The following NRXN1 variants were observed in gnomAD, a reference collection of about 807,000 sequenced individuals.
NRXN1 encodes neurexin 1.
NRXN1 carries 39 observed loss-of-function variants against 150.9 expected under a neutral mutation model. That is an observed-to-expected ratio of 0.26 (90% CI 0.20 to 0.34). The LOEUF (loss-of-function observed/expected upper bound fraction) is 0.34. Among genes scored for constraint, NRXN1 ranks in the 10% least tolerant of loss-of-function variants. The pLI, the probability that NRXN1 is intolerant of heterozygous loss-of-function variation, is 1.00. For missense variants in NRXN1, 1,815 were observed against 1,949.9 expected, an observed-to-expected ratio of 0.93 and a Z score of 1.30; for synonymous variants, 924 against 757.0, an observed-to-expected ratio of 1.22 and a Z score of -3.62.
At chr2:50,878,833 A>G (rs1262223858) in intron 5 of NRXN1, among the ~76,000 whole-genome samples, 1 of 151,960 alleles carries the variant, frequency 6.6e-6, no homozygotes, top group Non-Finnish European at 1.5e-5. Flanking sequence ...GGGATTCTCT[A>G]CAAGGTAGGT....
intron 17 of NRXN1, among the ~76,000 whole-genome samples, chr2:50,410,359 T>C (rs574203699): frequency 9.2e-5 from 14 of 152,376 alleles, no homozygotes; most frequent in African/African-American, 3.1e-4. Flanking sequence ...AAAACACACA[T>C]GTGATACTTA....
chr2:49,994,799 G>C (rs1682652886), intron 21 of NRXN1, among the ~76,000 whole-genome samples: 1 of 152,182 alleles, frequency 6.6e-6, no homozygotes, highest in African/African-American at 2.4e-5. Flanking sequence ...TCTGCTTTTT[G>C]TAAGGCAAAA....
intron 5 of NRXN1, among the ~76,000 whole-genome samples, chr2:50,794,556 T>A (rs1254512717): frequency 6.6e-6 from 1 of 152,112 alleles, no homozygotes; most frequent in Non-Finnish European, 1.5e-5. Flanking sequence ...CTTCCTTTAA[T>A]CAAATCTGCA....
chr2:50,735,308 G>T (rs573935436), intron 5 of NRXN1, among the ~76,000 whole-genome samples: 1 of 151,258 alleles, frequency 6.6e-6, no homozygotes, highest in East Asian at 1.9e-4. Context: ...TTTTTATAAT[G>T]CACTTAATGG....
intron 12 of NRXN1, among the ~76,000 whole-genome samples, chr2:50,507,752 A>T (rs1238360952): frequency 6.6e-6 from 1 of 152,038 alleles, no homozygotes; most frequent in Non-Finnish European, 1.5e-5. Context: ...AAAAAATAAC[A>T]TTAAAGATAC....
chr2:49,948,097 A>C (rs1673276593), intron 21 of NRXN1, among the ~76,000 whole-genome samples: 1 of 152,096 alleles, frequency 6.6e-6, no homozygotes, highest in South Asian at 2.1e-4. Flanking sequence ...TTTACTGTCC[A>C]ACTTTGACCT....
chr2:50,095,876 T>C (rs1236275047), intron 18 of NRXN1, among the ~76,000 whole-genome samples: 2 of 151,890 alleles, frequency 1.3e-5, no homozygotes, highest in Admixed American at 1.3e-4. Context: ...CATGTTGGTG[T>C]GCTGCACCCA....
chr2:50,656,273 C>T (rs1044557915), intron 5 of NRXN1: 27 of 677,084 alleles, frequency 4.0e-5, no homozygotes, highest in Non-Finnish European at 7.1e-5. Flanking sequence ...AAAACCCACC[C>T]ATGAGAAATT....
At chr2:50,031,777 G>T (rs1022488800) in intron 21 of NRXN1, among the ~76,000 whole-genome samples, 2 of 152,034 alleles carry the variant, frequency 1.3e-5, no homozygotes, top group East Asian at 3.9e-4. Flanking sequence ...TCATTTTGGG[G>T]TTGTTTGGAA....
intron 8 of NRXN1, among the ~76,000 whole-genome samples, chr2:50,577,211 C>G (rs536363007): frequency 2.6e-5 from 4 of 151,822 alleles, no homozygotes; most frequent in African/African-American, 4.8e-5. Flanking sequence ...ATTATGGGGA[C>G]GTAAAAGATT....
chr2:50,023,334 T>C (rs562149687), intron 21 of NRXN1: 1 of 152,294 alleles, frequency 6.6e-6, no homozygotes, highest in African/African-American at 2.4e-5. Flanking sequence ...TTTGCAAATA[T>C]GTGCTGTAAG....
chr2:50,265,905 A>G (rs186510436), intron 17 of NRXN1, among the ~76,000 whole-genome samples: 2 of 151,946 alleles, frequency 1.3e-5, no homozygotes, highest in African/African-American at 2.4e-5. Context: ...TTAAAGCTAG[A>G]AAAACGGTCA....
At position 50,952,580 on chromosome 2, in the gene NRXN1, C is replaced by T. The variant is rs759625118; in HGVS notation, c.773-26625G>A. ...GTAAACAAGTCTGACATGATCTATG[C>T]TACCACGGAGTTCTTATTTTCAAAG... On this transcript the variant is annotated intron_variant, in intron 2 of 22. Coordinates refer to ENST00000401669, the MANE Select transcript of NRXN1 (RefSeq NM_001330078.2). Among the ~76,000 whole-genome samples the T allele has an allele frequency of 5.9e-5, 9 of 152,228 alleles. No homozygotes were observed. In the East Asian group the frequency reaches 1.4e-3, roughly 23 times the overall value.
intron 5 of NRXN1, among the ~76,000 whole-genome samples, chr2:50,793,119 T>C (rs1469674140): frequency 6.6e-6 from 1 of 152,278 alleles, no homozygotes; most frequent in South Asian, 2.1e-4. Flanking sequence ...TGAGATGATA[T>C]GATTTATCCA....
chr2:50,460,408 G>C (rs1431482035), intron 17 of NRXN1, among the ~76,000 whole-genome samples: 1 of 152,112 alleles, frequency 6.6e-6, no homozygotes, highest in African/African-American at 2.4e-5. Flanking sequence ...CTGCTCAACA[G>C]TGCAAGGGAC....
At chr2:50,891,416 T>C (rs1559401266) in intron 5 of NRXN1, among the ~76,000 whole-genome samples, 1 of 152,186 alleles carries the variant, frequency 6.6e-6, no homozygotes, top group Admixed American at 6.6e-5. Flanking sequence ...TTTCACTTTA[T>C]AGTAGACATA....
chr2:50,471,723 C>T (rs973426743), intron 16 of NRXN1, among the ~76,000 whole-genome samples: 2 of 151,566 alleles, frequency 1.3e-5, no homozygotes, highest in South Asian at 2.1e-4. Flanking sequence ...GACACTGGGG[C>T]CTACTGGAGG....
At chr2:50,480,456 G>A (rs2090378008) in intron 15 of NRXN1, among the ~76,000 whole-genome samples, 1 of 152,086 alleles carries the variant, frequency 6.6e-6, no homozygotes, top group Non-Finnish European at 1.5e-5. Context: ...GACACCATGA[G>A]CACTTCACAC....
intron 5 of NRXN1, among the ~76,000 whole-genome samples, chr2:50,806,299 C>G (rs971562676): frequency 1.3e-5 from 2 of 152,094 alleles, no homozygotes; most frequent in Non-Finnish European, 2.9e-5. Flanking sequence ...TGTTTTGTAA[C>G]TAATGATGGC....
Sources: allele counts gnomAD v4.1 joint callset (sites outside exome capture counted in the v4.1 genomes callset), GRCh38; gene constraint gnomAD v4.1.1; transcripts MANE v1.5; gene names NCBI Gene and HGNC (gene_info 2026-07-23, HGNC 2026-07-21).